The following FAAH2 variants were observed in gnomAD, a reference collection of about 807,000 sequenced individuals.
The protein encoded by FAAH2 is fatty-acid amide hydrolase 2.
FAAH2 carries 60 observed loss-of-function variants against 36.9 expected under a neutral mutation model. The observed-to-expected ratio is 1.63, with a 90% confidence interval of 1.32 to 2.02. The LOEUF (loss-of-function observed/expected upper bound fraction) is 2.02, where lower values mean the gene tolerates loss of function less well. Ranked by LOEUF, FAAH2 falls within the 30% of genes most tolerant of loss-of-function variation. The pLI is 0.00. For synonymous variants in FAAH2, 214 were observed against 143.8 expected (o/e 1.49, Z -3.49); for missense variants, 689 against 397.5 (o/e 1.73, Z -6.23).
chrX:57,418,125 C>G (rs1448646890), intron 7 of FAAH2, among the ~76,000 whole-genome samples: 1 of 111,888 alleles, frequency 8.9e-6, no homozygotes, highest in Non-Finnish European at 1.9e-5. Flanking sequence ...GCTGTACTCA[C>G]AGTGAGAATT....
the FAAH2 span, among the ~76,000 whole-genome samples, chrX:57,239,486 A>ATG: frequency 9.1e-6 from 1 of 109,750 alleles, no homozygotes; most frequent in Non-Finnish European, 1.9e-5. Context: ...ATATATATAT[A>ATG]TATTTCATTG....
chrX:57,442,794 A>G (rs762759370), intron 8 of FAAH2, among the ~76,000 whole-genome samples: 8 of 111,475 alleles, frequency 7.2e-5, no homozygotes, highest in Admixed American at 5.7e-4. Flanking sequence ...AGCTCTTGTA[A>G]GGCAGGCCTG....
Position 57,299,233 on chromosome X carries a change from A to C in FAAH2, c.275+6653A>C, listed in dbSNP as rs1026458385. Among the ~76,000 whole-genome samples the C allele has an allele frequency of 3.6e-5, 4 of 112,252 alleles. No homozygotes were observed. The Admixed American group carries it at 3.8e-4, about 11-fold the overall frequency. ...AAAATGCTGGCAAACCGAATCCAGC[A>C]ACACATGAAAAAACTTATCCACCAT... On this transcript the variant is annotated intron_variant, in intron 2 of 10. Transcript: ENST00000374900.
Position 57,488,973 on chromosome X carries a change from T to A in FAAH2, c.*41T>A, listed in dbSNP as rs779185058. On this transcript the variant is annotated 3_prime_UTR_variant, in exon 11 of 11. Coordinates refer to ENST00000374900, the MANE Select transcript of FAAH2 (RefSeq NM_174912.4). ...GGTTAATGTGTGTGTGTGTTTGTGT[T>A]CGTGTGGTGGTGTTTCTATTAATTG... 5 of 1,148,900 alleles carry A rather than the reference T, an allele frequency of 4.4e-6. No homozygotes were observed. The highest frequency in any genetic ancestry group is 5.8e-6 in the Non-Finnish European group (5 of 861,412). 94.7% of individuals were successfully genotyped at this position (1,148,900 alleles called of 1,213,427 possible).
At chrX:57,226,488 C>T in the FAAH2 span, among the ~76,000 whole-genome samples, 6 of 112,080 alleles carry the variant, frequency 5.4e-5, no homozygotes, top group Non-Finnish European at 1.1e-4. Context: ...CCAATCCCTT[C>T]TAGGTTGTAG....
the FAAH2 span, among the ~76,000 whole-genome samples, chrX:57,233,856 G>A: frequency 8.9e-6 from 1 of 112,452 alleles, no homozygotes; most frequent in South Asian, 3.7e-4. Flanking sequence ...TGTTGGCCAG[G>A]CTGGTCTCTG....
At chrX:57,330,869 C>A (rs1254290632) in intron 3 of FAAH2, among the ~76,000 whole-genome samples, 1 of 110,657 alleles carries the variant, frequency 9.0e-6, no homozygotes, top group Non-Finnish European at 1.9e-5. Flanking sequence ...CAGGACTTTG[C>A]AGGTCAGGTG....
intron 7 of FAAH2, among the ~76,000 whole-genome samples, chrX:57,410,650 T>C (rs2034882287): frequency 9.0e-6 from 1 of 111,576 alleles, no homozygotes; most frequent in African/African-American, 3.3e-5. Context: ...TATTTTTTAC[T>C]TCAACTATAT....
the FAAH2 span, among the ~76,000 whole-genome samples, chrX:57,133,827 A>T: frequency 4.6e-4 from 52 of 112,089 alleles, 2 homozygotes; most frequent in East Asian, 0.014. Flanking sequence ...AAGAAAATTA[A>T]TCCCTGCTAC....
At chrX:57,381,582 G>T (rs1018356787) in intron 7 of FAAH2, 2 of 661,983 alleles carry the variant, frequency 3.0e-6, no homozygotes, top group African/African-American at 4.8e-5. Flanking sequence ...GACAAAGAAG[G>T]CCCTTACATA....
intron 7 of FAAH2, among the ~76,000 whole-genome samples, chrX:57,390,016 G>T (rs1329697488): frequency 9.1e-6 from 1 of 109,989 alleles, no homozygotes; most frequent in Non-Finnish European, 1.9e-5. Context: ...TATTCAGGTT[G>T]TTTGCCAATT....
chrX:57,365,033 C>T (rs1298571595), intron 5 of FAAH2, among the ~76,000 whole-genome samples: 1 of 111,604 alleles, frequency 9.0e-6, no homozygotes, highest in Non-Finnish European at 1.9e-5. Flanking sequence ...TTGGAGTATT[C>T]TGTAGATAGC....
At chrX:57,245,725 C>T in the FAAH2 span, among the ~76,000 whole-genome samples, 3 of 112,285 alleles carry the variant, frequency 2.7e-5, no homozygotes, top group African/African-American at 9.7e-5. Context: ...ACAGCTACAG[C>T]CATGTTTAGA....
chrX:57,213,714 T>C, the FAAH2 span, among the ~76,000 whole-genome samples: 1 of 112,176 alleles, frequency 8.9e-6, no homozygotes, highest in African/African-American at 3.2e-5. Context: ...TTTGGTTTTT[T>C]TAACTTATTG....
chrX:57,293,260 T>G (rs1201493239), intron 2 of FAAH2, among the ~76,000 whole-genome samples: 1 of 111,728 alleles, frequency 9.0e-6, no homozygotes, highest in Admixed American at 9.5e-5. Flanking sequence ...CTTAATCATT[T>G]TAAAATGAAA....
At chrX:57,481,985 C>G (rs1445259531) in intron 10 of FAAH2, among the ~76,000 whole-genome samples, 1 of 111,762 alleles carries the variant, frequency 8.9e-6, no homozygotes, top group Non-Finnish European at 1.9e-5. Flanking sequence ...TTCAGTCTGG[C>G]CACAGCCACT....
intron 7 of FAAH2, among the ~76,000 whole-genome samples, chrX:57,428,501 GC>G (rs2056215719): frequency 1.8e-5 from 2 of 111,807 alleles, no homozygotes; most frequent in South Asian, 7.4e-4. Context: ...ATATTACAAA[GC>G]CATAGAAACT....
chrX:57,235,431 CTT>C, the FAAH2 span, among the ~76,000 whole-genome samples: 16 of 111,698 alleles, frequency 1.4e-4, no homozygotes, highest in Non-Finnish European at 1.9e-5. Context: ...TTCCATCACT[CTT>C]ATGATCTCTA....
the FAAH2 span, among the ~76,000 whole-genome samples, chrX:57,187,775 AG>A: frequency 3.3e-4 from 37 of 111,471 alleles, no homozygotes; most frequent in African/African-American, 1.1e-3. Context: ...TTTAGCATGA[AG>A]GGGTATTGAA....
Sources: gnomAD v4.1 joint callset for allele counts (sites outside exome capture counted in the v4.1 genomes callset) on GRCh38, gnomAD v4.1.1 for gene constraint, MANE v1.5 for transcripts, NCBI Gene and HGNC (gene_info 2026-07-23, HGNC 2026-07-21) for gene names.